The following CCDC7 variants were observed in gnomAD, a reference collection of about 807,000 sequenced individuals.
CCDC7 encodes coiled-coil domain containing 7.
In CCDC7, 183 loss-of-function variants were observed where a neutral mutation model predicts 196.9. That is an observed-to-expected ratio of 0.93 (90% CI 0.82 to 1.05). CCDC7 has a LOEUF of 1.05. CCDC7 is among the 50% of genes least tolerant of loss of function. The probability of loss-of-function intolerance (pLI) is 0.00; values close to 1 mark genes in which losing one functional copy is unlikely to be tolerated. For synonymous variants in CCDC7, 525 were observed against 484.6 expected (o/e 1.08, Z -1.10); for missense variants, 1,540 against 1,482.2 (o/e 1.04, Z -0.64).
At chr10:32,753,907 AC>A (rs1713868166) in intron 28 of CCDC7, among the ~76,000 whole-genome samples, 1 of 152,146 alleles carries the variant, frequency 6.6e-6, no homozygotes, top group Admixed American at 6.5e-5. Flanking sequence ...GAGTAGATAT[AC>A]ATCTGTTCCT....
intron 12 of CCDC7, 28 bp downstream of exon 13, chr10:32,543,413 T>G: frequency 7.8e-7 from 1 of 1,288,408 alleles, no homozygotes; most frequent in Non-Finnish European, 1.0e-6. Context: ...ATGTTAATCT[T>G]TTTTTCCTTG....
chr10:32,775,336 T>A (rs928136333), intron 28 of CCDC7, among the ~76,000 whole-genome samples: 1 of 152,162 alleles, frequency 6.6e-6, no homozygotes, highest in African/African-American at 2.4e-5. Context: ...GGGAGTTTTA[T>A]AGGAAAAGTG....
At chr10:32,540,078 A>G (rs1057054389) in intron 11 of CCDC7, among the ~76,000 whole-genome samples, 9 of 152,048 alleles carry the variant, frequency 5.9e-5, no homozygotes, top group East Asian at 1.9e-4. Context: ...TTCTGCCTCA[A>G]TGGTCTAATA....
chr10:32,659,535 C>T (rs2070768821), intron 20 of CCDC7, among the ~76,000 whole-genome samples: 1 of 152,194 alleles, frequency 6.6e-6, no homozygotes, highest in African/African-American at 2.4e-5. Flanking sequence ...AAGCAAGTTA[C>T]ACATTTTTTG....
chr10:32,598,102 G>C (rs1415166977), intron 18 of CCDC7, among the ~76,000 whole-genome samples: 1 of 152,186 alleles, frequency 6.6e-6, no homozygotes, highest in Non-Finnish European at 1.5e-5. Flanking sequence ...TGCCCTGAGA[G>C]GTGGAGTCTA....
chr10:32,876,580 G>T, downstream of CCDC7: 2 of 452,492 alleles, frequency 4.4e-6, no homozygotes, highest in Admixed American at 4.2e-5. Flanking sequence ...ACCAGGCAGT[G>T]GTGAGTTTGA....
intron 24 of CCDC7, 33 bp from the exon 26 acceptor site, chr10:32,711,587 C>G: frequency 7.7e-7 from 1 of 1,306,748 alleles, no homozygotes; most frequent in Non-Finnish European, 1.1e-6. Context: ...ATTTGTTTTT[C>G]TAGTAAGGGA....
chr10:32,771,503 C>A (rs920543578), intron 28 of CCDC7, among the ~76,000 whole-genome samples: 1 of 152,160 alleles, frequency 6.6e-6, no homozygotes, highest in African/African-American at 2.4e-5. Flanking sequence ...TGCTGTTAGT[C>A]TGATAGTTTT....
chr10:32,772,420 A>G (rs573739358), intron 28 of CCDC7, among the ~76,000 whole-genome samples: 1 of 152,268 alleles, frequency 6.6e-6, no homozygotes, highest in African/African-American at 2.4e-5. Flanking sequence ...AATAGCAACC[A>G]TGGCTTTTAG....
intron 24 of CCDC7, among the ~76,000 whole-genome samples, chr10:32,696,709 G>A (rs964533348): frequency 6.6e-6 from 1 of 152,222 alleles, no homozygotes; most frequent in East Asian, 1.9e-4. Context: ...TTATTGTTGG[G>A]TAACCAAACC....
chr10:32,461,750 TACATATATATATATGCAC>T (rs2035779860), intron 3 of CCDC7, among the ~76,000 whole-genome samples: 5 of 71,824 alleles, frequency 7.0e-5, no homozygotes, highest in Non-Finnish European at 7.8e-5. Flanking sequence ...TATATATATA[TACATATATATATATGCAC>T]ATATGTACAT....
intron 22 of CCDC7, among the ~76,000 whole-genome samples, chr10:32,686,815 C>G (rs2076518335): frequency 6.6e-6 from 1 of 152,176 alleles, no homozygotes; most frequent in Non-Finnish European, 1.5e-5. Context: ...CATGTTGCTG[C>G]ATGTGGGCCA....
chr10:32,823,670 A>G (rs2090636038), intron 31 of CCDC7, among the ~76,000 whole-genome samples: 1 of 152,220 alleles, frequency 6.6e-6, no homozygotes, highest in Admixed American at 6.5e-5. Flanking sequence ...CTTCAGGTTT[A>G]ATAAACCAGG....
chr10:32,480,542 C>T (rs2039779526), intron 8 of CCDC7, among the ~76,000 whole-genome samples: 2 of 152,128 alleles, frequency 1.3e-5, no homozygotes, highest in Admixed American at 1.3e-4. Flanking sequence ...TTTGCTGCAT[C>T]ACATAAATTT....
chr10:32,666,068 T>C (rs966454928), intron 21 of CCDC7, among the ~76,000 whole-genome samples: 3 of 151,822 alleles, frequency 2.0e-5, no homozygotes, highest in African/African-American at 7.2e-5. Context: ...TTTTATGAAT[T>C]TAATCATTTG....
At chr10:32,865,655 A>G (rs1010035678) in intron 41 of CCDC7, among the ~76,000 whole-genome samples, 8 of 151,842 alleles carry the variant, frequency 5.3e-5, no homozygotes, top group African/African-American at 1.9e-4. Context: ...ATTGTGGGTT[A>G]CACAGCTGTA....
chr10:32,497,784 G>A (rs1252531907), intron 9 of CCDC7, among the ~76,000 whole-genome samples: 1 of 152,012 alleles, frequency 6.6e-6, no homozygotes, highest in African/African-American at 2.4e-5. Flanking sequence ...CTGTTCTCTT[G>A]CATTTGCTGA....
chr10:32,683,350 A>G (rs1235153755), intron 21 of CCDC7, among the ~76,000 whole-genome samples: 1 of 152,044 alleles, frequency 6.6e-6, no homozygotes, highest in Non-Finnish European at 1.5e-5. Context: ...TCCTTGGTCT[A>G]TGTGTATGTT....
intron 18 of CCDC7, among the ~76,000 whole-genome samples, chr10:32,612,028 A>G (rs531492113): frequency 3.3e-5 from 5 of 152,308 alleles, no homozygotes; most frequent in Admixed American, 6.5e-5. Flanking sequence ...CATTTTCACA[A>G]TATTGATTCT....
Sources: allele counts gnomAD v4.1 joint callset (sites outside exome capture counted in the v4.1 genomes callset), GRCh38; gene constraint gnomAD v4.1.1; transcripts MANE v1.5; gene names NCBI Gene and HGNC (gene_info 2026-07-23, HGNC 2026-07-21).